The following DEPDC5 variants were observed in gnomAD, a reference collection of about 807,000 sequenced individuals.
The protein encoded by DEPDC5 is GATOR1 complex protein DEPDC5.
In DEPDC5, 73 loss-of-function variants were observed where a neutral mutation model predicts 217.3. The ratio of observed to expected loss-of-function variants is 0.34; its 90% CI spans 0.28 to 0.41. DEPDC5 has a LOEUF of 0.41. DEPDC5 is among the 10% of genes least tolerant of loss of function. DEPDC5 has a pLI of 1.00. For missense variants in DEPDC5, 1,675 were observed against 2,070.1 expected (o/e 0.81, Z 3.70); for synonymous variants, 733 against 756.7 (o/e 0.97, Z 0.51).
intron 38 of DEPDC5, among the ~76,000 whole-genome samples, chr22:31,883,066 G>T (rs183982911): frequency 1.3e-5 from 2 of 152,290 alleles, no homozygotes; most frequent in Admixed American, 1.3e-4. Context: ...TTTCTTGTGG[G>T]GAAGTGTTCT....
At chr22:31,874,583 A>T (rs1184738824) in intron 36 of DEPDC5, among the ~76,000 whole-genome samples, 178 bp downstream of exon 36, 2 of 152,146 alleles carry the variant, frequency 1.3e-5, no homozygotes, top group African/African-American at 4.8e-5. Flanking sequence ...TTTGAAATAC[A>T]CTGTATCTTG....
At chr22:31,795,119 G>A (rs908092415) in intron 12 of DEPDC5, among the ~76,000 whole-genome samples, 1 of 141,944 alleles carries the variant, frequency 7.0e-6, no homozygotes, top group African/African-American at 2.6e-5. Context: ...TGCCCAGGCT[G>A]GAGTGCACTA....
chr22:31,791,901 T>G, intron 10 of DEPDC5, 132 bp from the exon 11 acceptor site: 1 of 407,280 alleles, frequency 2.5e-6, no homozygotes, highest in East Asian at 4.5e-5. Context: ...CACTCCAGCC[T>G]GGTGGCAGAG....
chr22:31,866,091 G>T (rs1384717530), intron 33 of DEPDC5, among the ~76,000 whole-genome samples: 1 of 152,296 alleles, frequency 6.6e-6, no homozygotes, highest in Non-Finnish European at 1.5e-5. Flanking sequence ...CCACGAGGTG[G>T]AAGGTAGAAG....
At chr22:31,862,932 G>T (rs2092565887) in intron 33 of DEPDC5, among the ~76,000 whole-genome samples, 1 of 152,164 alleles carries the variant, frequency 6.6e-6, no homozygotes, top group African/African-American at 2.4e-5. Context: ...TTTAGAGGTA[G>T]TATCTTACTC....
chr22:31,833,663 G>A lies in DEPDC5; in HGVS notation c.2105-252G>A, dbSNP rs5994434. Among the ~76,000 whole-genome samples the A allele has an allele frequency of 0.18, 27,259 of 152,108 alleles. 2,840 individuals are homozygous for A. The highest frequency in any genetic ancestry group is 0.28 in the South Asian group (1,360 of 4,820). On this transcript the variant is annotated intron_variant, in intron 24 of 42. Coordinates refer to ENST00000651528, the MANE Select transcript of DEPDC5 (RefSeq NM_001242896.3). ...TCTTAAAATAAGTGGCAGGTTGCTC[G>A]TGTTTGTGTGATCTCTTTTAGCAAA...
chr22:31,846,413 C>A (rs1358936569), intron 30 of DEPDC5, among the ~76,000 whole-genome samples: 1 of 152,164 alleles, frequency 6.6e-6, no homozygotes, highest in African/African-American at 2.4e-5. Flanking sequence ...CTTATGTACA[C>A]AACATCACTT....
intron 4 of DEPDC5, among the ~76,000 whole-genome samples, chr22:31,764,650 A>G (rs1279024030): frequency 2.0e-5 from 3 of 152,114 alleles, no homozygotes; most frequent in African/African-American, 7.2e-5. Context: ...TGCTGACCTC[A>G]GGTGATCTTC....
intron 2 of DEPDC5, among the ~76,000 whole-genome samples, chr22:31,756,724 C>T (rs1394254712): frequency 1.3e-5 from 2 of 151,918 alleles, no homozygotes; most frequent in Non-Finnish European, 2.9e-5. Context: ...AGTTCAGGAC[C>T]AGCCTGGCCA....
At chr22:31,835,539 T>C (rs1357503205) in intron 25 of DEPDC5, among the ~76,000 whole-genome samples, 1 of 152,186 alleles carries the variant, frequency 6.6e-6, no homozygotes, top group African/African-American at 2.4e-5. Context: ...TTCTACAAGA[T>C]TTTTGTAATC....
intron 22 of DEPDC5, among the ~76,000 whole-genome samples, chr22:31,820,950 T>C (rs983006996): frequency 2.0e-5 from 3 of 152,226 alleles, no homozygotes; most frequent in Non-Finnish European, 1.5e-5. Flanking sequence ...TATCATTTCA[T>C]CTACCCAGAT....
chr22:31,843,894 C>A, intron 29 of DEPDC5, 82 bp downstream of exon 29: 3 of 1,320,740 alleles, frequency 2.3e-6, no homozygotes, highest in South Asian at 1.8e-5. Context: ...TCTGCCCTTT[C>A]TCTCTCTCTC....
chr22:31,876,725 T>TA (rs2093000683), intron 37 of DEPDC5, among the ~76,000 whole-genome samples: 1 of 152,240 alleles, frequency 6.6e-6, no homozygotes, highest in Non-Finnish European at 1.5e-5. Flanking sequence ...TTCCAAGTAA[T>TA]ATTTTAAGTA....
chr22:31,788,355 C>G (rs2085245674), intron 10 of DEPDC5, among the ~76,000 whole-genome samples: 1 of 147,040 alleles, frequency 6.8e-6, no homozygotes, highest in South Asian at 2.1e-4. Context: ...CTCACTGCAG[C>G]CTTGATCGCC....
intron 31 of DEPDC5, among the ~76,000 whole-genome samples, chr22:31,856,770 GTTT>G (rs1031599922): frequency 6.6e-6 from 1 of 151,772 alleles, no homozygotes; most frequent in Non-Finnish European, 1.5e-5. Flanking sequence ...TGTTAATGCA[GTTT>G]TTTGTTTGTT....
chr22:31,888,207 A>G (rs1450418939), intron 38 of DEPDC5, among the ~76,000 whole-genome samples: 2 of 127,376 alleles, frequency 1.6e-5, no homozygotes, highest in African/African-American at 6.1e-5. Flanking sequence ...GCCCACTCAC[A>G]TGCCTTTCCT....
intron 23 of DEPDC5, among the ~76,000 whole-genome samples, chr22:31,822,393 AAGGGAGGCATAGGGCATAGGGAGGCAT>A (rs1416930273): frequency 3.9e-5 from 6 of 152,020 alleles, no homozygotes; most frequent in African/African-American, 1.4e-4. Context: ...TTGTTTGTAA[AAGGGAGGCATAGGGCATAGGGAGGCAT>A]AGGGAGGCAT....
intron 32 of DEPDC5, chr22:31,858,643 T>A (rs1569128169): frequency 6.6e-6 from 1 of 152,212 alleles, no homozygotes; most frequent in Non-Finnish European, 1.5e-5. Context: ...CTTTTTTCTT[T>A]CGTTTTTTTT....
intron 8 of DEPDC5, among the ~76,000 whole-genome samples, chr22:31,779,776 T>C (rs529401608): frequency 2.6e-5 from 4 of 152,266 alleles, no homozygotes; most frequent in Admixed American, 2.6e-4. Flanking sequence ...AGTGTCACTA[T>C]TATTGGCGTC....
Sources: allele counts gnomAD v4.1 joint callset (sites outside exome capture counted in the v4.1 genomes callset), GRCh38; gene constraint gnomAD v4.1.1; transcripts MANE v1.5; gene names NCBI Gene and HGNC (gene_info 2026-07-23, HGNC 2026-07-21).